The following PTPRO variants were observed in gnomAD, a reference collection of about 807,000 sequenced individuals.
The protein encoded by PTPRO is receptor-type tyrosine-protein phosphatase O.
A neutral mutation model predicts 145.2 loss-of-function variants in PTPRO; 62 were observed. The observed-to-expected ratio is 0.43, with a 90% CI of 0.35 to 0.53. The LOEUF is 0.53. Ranked by LOEUF, PTPRO falls within the 20% of genes least tolerant of loss-of-function variation. PTPRO has a pLI of 0.01. For missense variants in PTPRO, 1,345 were observed against 1,482.7 expected (o/e 0.91, Z 1.53); for synonymous variants, 565 against 514.7 (o/e 1.10, Z -1.32).
At chr12:15,424,774 A>AAG (rs1940238205) in intron 1 of PTPRO, among the ~76,000 whole-genome samples, 1 of 152,032 alleles carries the variant, frequency 6.6e-6, no homozygotes. Context: ...AGGAGACATC[A>AAG]GTTGATTTTC....
At chr12:15,533,819 T>A (rs1326649673) in intron 12 of PTPRO, among the ~76,000 whole-genome samples, 2 of 152,174 alleles carry the variant, frequency 1.3e-5, no homozygotes, top group Non-Finnish European at 2.9e-5. Flanking sequence ...TTGTTAAAGC[T>A]GGGGCCGTAA....
At chr12:15,512,524 GGGA>G (rs1215192285) in intron 7 of PTPRO, among the ~76,000 whole-genome samples, 1 of 152,180 alleles carries the variant, frequency 6.6e-6, no homozygotes, top group African/African-American at 2.4e-5. Flanking sequence ...CAGGATTTGT[GGGA>G]GGAGGAGAAC....
chr12:15,483,040 G>A lies in PTPRO; in HGVS notation c.76-934G>A, dbSNP rs1349211672. On this transcript the variant is annotated intron_variant, in intron 1 of 26. Transcript: ENST00000281171. ...CGCCTGGCATAGTGCCTGGATCCCT[G>A]TAGATTCTTAACAAGTTTCAGCAAT... 3.3e-5 allele frequency among the ~76,000 whole-genome samples: 5 copies of A among 152,066 alleles called. No individual in the cohort carries two copies. In the East Asian group the frequency reaches 9.6e-4, roughly 29 times the overall value.
At chr12:15,533,095 A>G (rs1280100494) in intron 12 of PTPRO, among the ~76,000 whole-genome samples, 1 of 152,162 alleles carries the variant, frequency 6.6e-6, no homozygotes, top group Non-Finnish European at 1.5e-5. Flanking sequence ...CTGTATCTAC[A>G]TAGGACTGTG....
chr12:15,480,660 A>G (rs1941758391), intron 1 of PTPRO, among the ~76,000 whole-genome samples: 1 of 152,182 alleles, frequency 6.6e-6, no homozygotes, highest in South Asian at 2.1e-4. Context: ...AGATTTTGTC[A>G]GAGTTTCAGC....
intron 1 of PTPRO, among the ~76,000 whole-genome samples, chr12:15,441,457 A>C (rs1050939247): frequency 1.3e-5 from 2 of 152,198 alleles, no homozygotes; most frequent in Non-Finnish European, 2.9e-5. Flanking sequence ...TAGAAAAACA[A>C]GAACAAACTA....
At chr12:15,479,123 G>A (rs1050657844) in intron 1 of PTPRO, among the ~76,000 whole-genome samples, 2 of 152,220 alleles carry the variant, frequency 1.3e-5, no homozygotes, top group African/African-American at 4.8e-5. Context: ...CTGAGACGGT[G>A]AGGATGAAGA....
At chr12:15,547,468 G>A (rs1273127655) in intron 13 of PTPRO, among the ~76,000 whole-genome samples, 2 of 152,198 alleles carry the variant, frequency 1.3e-5, no homozygotes, top group Non-Finnish European at 2.9e-5. Context: ...GCGAACATAA[G>A]TAATTGATCT....
intron 19 of PTPRO, among the ~76,000 whole-genome samples, chr12:15,569,985 A>C (rs1441395733): frequency 6.6e-6 from 1 of 152,154 alleles, no homozygotes; most frequent in African/African-American, 2.4e-5. Flanking sequence ...CTACTTAATA[A>C]CTTTTGTGCA....
chr12:15,506,590 G>C (rs1299672861), intron 6 of PTPRO, among the ~76,000 whole-genome samples: 1 of 152,084 alleles, frequency 6.6e-6, no homozygotes, highest in Non-Finnish European at 1.5e-5. Flanking sequence ...TGGCAGGACA[G>C]AGAGAGAGAG....
chr12:15,355,749 A>T (rs911278208), intron 1 of PTPRO, among the ~76,000 whole-genome samples: 15 of 152,318 alleles, frequency 9.8e-5, no homozygotes, highest in Admixed American at 5.9e-4. Context: ...AACTAAATTG[A>T]TAGGGTTAAA....
chr12:15,323,156 C>T (rs1866351031), intron 1 of PTPRO, among the ~76,000 whole-genome samples: 1 of 152,186 alleles, frequency 6.6e-6, no homozygotes, highest in African/African-American at 2.4e-5. Context: ...CCCAACGCTG[C>T]TTAACCTTTC....
At chr12:15,475,698 A>T (rs917030791) in intron 1 of PTPRO, among the ~76,000 whole-genome samples, 3 of 152,210 alleles carry the variant, frequency 2.0e-5, no homozygotes, top group Admixed American at 1.3e-4. Context: ...ATTTGAAAGC[A>T]TATTTATAAC....
intron 1 of PTPRO, among the ~76,000 whole-genome samples, chr12:15,397,834 C>T (rs1939384513): frequency 6.6e-6 from 1 of 152,114 alleles, no homozygotes; most frequent in Admixed American, 6.5e-5. Context: ...ACCAACATCA[C>T]CAAAACCATA....
chr12:15,523,153 A>G (rs937225233), intron 10 of PTPRO, among the ~76,000 whole-genome samples: 1 of 152,226 alleles, frequency 6.6e-6, no homozygotes, highest in Non-Finnish European at 1.5e-5. Context: ...TTTACTTCAT[A>G]TATTACAAAT....
intron 13 of PTPRO, among the ~76,000 whole-genome samples, chr12:15,547,589 AGATTCCCTTCTAT>A (rs1943328229): frequency 6.6e-6 from 1 of 152,148 alleles, no homozygotes; most frequent in South Asian, 2.1e-4. Context: ...TCTCCTTTTG[AGATTCCCTTCTAT>A]GAATGTATCT....
chr12:15,327,124 T>C (rs1197175886), intron 1 of PTPRO, among the ~76,000 whole-genome samples: 1 of 152,216 alleles, frequency 6.6e-6, no homozygotes, highest in Non-Finnish European at 1.5e-5. Flanking sequence ...ATTATCATTA[T>C]GGGAGTTAAA....
chr12:15,424,216 A>G (rs1318432295), intron 1 of PTPRO, among the ~76,000 whole-genome samples: 1 of 152,224 alleles, frequency 6.6e-6, no homozygotes, highest in Non-Finnish European at 1.5e-5. Flanking sequence ...TTTAAATTAT[A>G]TATTTATGGA....
chr12:15,493,951 G>A (rs564007366), intron 2 of PTPRO, among the ~76,000 whole-genome samples: 3 of 152,256 alleles, frequency 2.0e-5, no homozygotes, highest in Non-Finnish European at 4.4e-5. Flanking sequence ...AGACGTTCTT[G>A]TATCAAGAGT....
Sources: allele counts gnomAD v4.1 joint callset (sites outside exome capture counted in the v4.1 genomes callset), GRCh38; gene constraint gnomAD v4.1.1; transcripts MANE v1.5; gene names NCBI Gene and HGNC (gene_info 2026-07-23, HGNC 2026-07-21).